Variants in CASP1 observed in about 807,000 individuals in gnomAD.
CASP1 encodes caspase 1, also known as caspase-1.
Under a neutral mutation model 41.2 loss-of-function variants are expected in CASP1, and 31 were observed. The observed-to-expected ratio is 0.75, with a 90% CI of 0.57 to 1.02. The LOEUF is 1.02. CASP1 is among the 50% of genes least tolerant of loss of function. The pLI, the probability that CASP1 is intolerant of heterozygous loss-of-function variation, is 0.00. For synonymous variants in CASP1, 163 were observed against 166.5 expected (o/e 0.98, Z 0.16); for missense variants, 490 against 495.7 (o/e 0.99, Z 0.11).
intron 7 of CASP1, among the ~76,000 whole-genome samples, chr11:105,027,352 C>G (rs371345111): frequency 1.9e-3 from 259 of 135,556 alleles, no homozygotes; most frequent in African/African-American, 9.1e-3. Context: ...AAAGATTAAT[C>G]GAAATTAAAT....
At chr11:105,034,512 A>G in intron 1 of CASP1, 38 bp from the exon 2 acceptor site, 1 of 1,611,542 alleles carries the variant, frequency 6.2e-7, no homozygotes, top group Non-Finnish European at 8.5e-7. Context: ...TCATGAAAAC[A>G]GCCTCATATT....
chr11:105,029,393 A>G (rs1204930174), intron 6 of CASP1, 126 bp from the exon 7 acceptor site: 2 of 757,906 alleles, frequency 2.6e-6, no homozygotes, highest in Admixed American at 2.9e-5. Context: ...AAATAGACAC[A>G]TGCATTTCAG....
intron 3 of CASP1, 66 bp from the exon 4 acceptor site, chr11:105,031,346 G>T: frequency 1.1e-6 from 1 of 887,726 alleles, no homozygotes; most frequent in South Asian, 1.4e-5. Flanking sequence ...GTTTGTTACA[G>T]CCTCACCTAT....
At chr11:105,034,095 T>C in intron 2 of CASP1, 113 bp downstream of exon 2, 1 of 1,579,754 alleles carries the variant, frequency 6.3e-7, no homozygotes, top group Non-Finnish European at 8.7e-7. Context: ...AATATGGCCC[T>C]GAAGCCAGAA....
chr11:105,026,706 A>T, intron 8 of CASP1, 136 bp downstream of exon 8: 1 of 636,686 alleles, frequency 1.6e-6, no homozygotes, highest in South Asian at 1.9e-5. Flanking sequence ...CCACTCTCCA[A>T]AGAACTCCAA....
At chr11:105,032,540 A>T (rs1021248221) in intron 3 of CASP1, among the ~76,000 whole-genome samples, 1 of 152,132 alleles carries the variant, frequency 6.6e-6, no homozygotes, top group Non-Finnish European at 1.5e-5. Flanking sequence ...GGGGTTCTTT[A>T]ATAAAATAAT....
At position 105,029,884 on chromosome 11, in the gene CASP1, G is replaced by C. The variant is rs747943375; in HGVS notation, c.643C>G (p.Leu215Val). 27 of 1,612,844 alleles carry C rather than the reference G, an allele frequency of 1.7e-5. No homozygotes were observed. Among genetic ancestry groups the C allele is most frequent in the Non-Finnish European group, 2.3e-5 (27 of 1,178,958 alleles). The change falls in exon 6 of 9, where the codon CTG (leucine) becomes GTG (valine). Residue 215 changes from leucine to valine, a missense_variant. Coordinates refer to ENST00000533400, the MANE Select transcript of CASP1 (RefSeq NM_001257118.3). ...TCTGGGCGGTGTGCAAATGCCTCCA[G>C]CTCTGTAGTCATGTCCTGAAAGACA... ...NLTASDMTTE[L>V]EAFAHRPEHK...
Position 105,030,422 on chromosome 11 carries a change from T to C in CASP1, c.535A>G (p.Arg179Gly). ...GTGATGTCAACCTCAGCTCCAGTTC[T>C]TCTAGGAATACTGTCAAATTCTTCA... ...CNEEFDSIPRRTGAEVDITGM... is the reference protein window; with the variant it reads ...CNEEFDSIPRGTGAEVDITGM... Residue 179 changes from arginine (R) to glycine (G), a missense_variant, in exon 5 of 9, where the codon AGA (arginine) becomes GGA (glycine). Arg to Gly is a moderately radical substitution (Grantham distance 125). Transcript: ENST00000533400. 3 of 1,613,672 alleles carry C rather than the reference T, an allele frequency of 1.9e-6. No homozygotes were observed. Among genetic ancestry groups the C allele is most frequent in the Non-Finnish European group, 2.5e-6 (3 of 1,179,672 alleles).
intron 7 of CASP1, among the ~76,000 whole-genome samples, chr11:105,027,421 A>G (rs546745915): frequency 2.6e-5 from 4 of 152,304 alleles, no homozygotes; most frequent in Middle Eastern, 6.8e-3. Context: ...ATAAAACAGA[A>G]CAAAAGTAGA....
rs185047753 is a variant in CASP1, at chr11:105,034,232, C to A, written c.250G>T (p.Ala84Ser). The A allele has an allele frequency of 3.2e-5, 51 of 1,614,104 alleles. No individual in the cohort carries two copies. The Admixed American group carries it at 7.0e-4, about 22-fold the overall frequency. ...TYICEEDSYL[A>S]GTLGLSADQT... ...CCTGCTGAGAGTCCCAGCGTCCCTG[C>A]CAGGTAACTGTCTTCTTCACAAATG... is the stretch of plus-strand genomic sequence containing the variant. Residue 84 changes from alanine to serine, a missense_variant, in exon 2 of 9, where the codon GCA (alanine) becomes TCA (serine). Transcript: ENST00000533400.
chr11:105,031,814 A>T (rs564425000), intron 3 of CASP1, among the ~76,000 whole-genome samples: 1 of 152,284 alleles, frequency 6.6e-6, no homozygotes, highest in Non-Finnish European at 1.5e-5. Flanking sequence ...CCTTCTATGT[A>T]TACATATGAA....
intron 7 of CASP1, among the ~76,000 whole-genome samples, chr11:105,027,909 T>C (rs750663465): frequency 3.3e-5 from 5 of 152,098 alleles, no homozygotes; most frequent in Non-Finnish European, 5.9e-5. Context: ...TATAGATAAC[T>C]GAATTGGAGT....
In CASP1 at chr11:105,030,335, C is replaced by T. The variant is rs143461834; in HGVS notation, c.622G>A (p.Ala208Thr). 4 of 1,611,174 alleles carry T rather than the reference C, an allele frequency of 2.5e-6. No individual in the cohort carries two copies. In the African/African-American group the frequency reaches 5.4e-5, roughly 22 times the overall value. Residue 208 changes from alanine to threonine, a missense_variant, in exon 5 of 9, where the codon GCT becomes ACT. Coordinates refer to ENST00000533400, the MANE Select transcript of CASP1 (RefSeq NM_001257118.3). ...TGTTGTATAATAGAACTTACCGAAG[C>T]AGTGAGATTTTTTTTCACATCTACG... ...YSVDVKKNLT[A>T]SDMTTELEAF...
rs1167070725 is a variant in CASP1, at chr11:105,026,583, G to C, written c.1117-227C>G. The C allele has an allele frequency of 5.0e-5, 30 of 600,370 alleles. 2 individuals are homozygous for C. The South Asian group carries it at 6.2e-4, about 12-fold the overall frequency. 37.2% of individuals were successfully genotyped at this position (600,370 alleles called of 1,614,324 possible). Reference sequence around the variant, plus strand: ...GGATCTAATAGCCATGAGAGACACAGGTAAATTAGAGTCCATTCATTTGTC... The same window carrying C: ...GGATCTAATAGCCATGAGAGACACACGTAAATTAGAGTCCATTCATTTGTC... On this transcript the variant is annotated intron_variant, in intron 8 of 8. Coordinates refer to ENST00000533400, the MANE Select transcript of CASP1 (RefSeq NM_001257118.3).
intron 6 of CASP1, among the ~76,000 whole-genome samples, 157 bp downstream of exon 6, chr11:105,029,508 A>C (rs961382963): frequency 1.3e-5 from 2 of 152,182 alleles, no homozygotes; most frequent in African/African-American, 4.8e-5. Flanking sequence ...ATATCTACCA[A>C]CCAGCCATTC....
Position 105,026,162 on chromosome 11 carries a change from G to C in CASP1, c.*96C>G. On this transcript the variant is annotated 3_prime_UTR_variant, in exon 9 of 9. Transcript: ENST00000533400. ...CTCAGCCTGTAAACCTAGAGTTCTT[G>C]ACTCAAATGGACTTTCAGTACCCTT... The C allele has an allele frequency of 2.7e-6, 2 of 742,712 alleles. No individual in the cohort carries two copies. The highest frequency in any genetic ancestry group is 1.8e-5 in the South Asian group (1 of 55,964). The allele number at this position is 742,712 out of a possible 1,614,324, so 46.0% of individuals were successfully genotyped here. A position where few individuals can be genotyped will look rare whatever the true frequency, so the allele number is the denominator to read the frequency against.
chr11:105,034,021 C>G, intron 2 of CASP1, 187 bp downstream of exon 2: 1 of 991,806 alleles, frequency 1.0e-6, no homozygotes, highest in Non-Finnish European at 1.6e-6. Context: ...AAGAGTGCCA[C>G]TGAGGATTAA....
chr11:105,035,235 T>G, upstream of CASP1: 1 of 1,319,160 alleles, frequency 7.6e-7, no homozygotes. Flanking sequence ...TGTCTTTATT[T>G]TTCTTCCCAT....
chr11:105,034,159 C>G, intron 2 of CASP1, 49 bp downstream of exon 2: 1 of 1,613,162 alleles, frequency 6.2e-7, no homozygotes, highest in Non-Finnish European at 8.5e-7. Context: ...AAATGTTAGG[C>G]ACGAAGACAG....
Sources: allele counts gnomAD v4.1 joint callset (sites outside exome capture counted in the v4.1 genomes callset), GRCh38; gene constraint gnomAD v4.1.1; transcripts MANE v1.5; gene names NCBI Gene and HGNC (gene_info 2026-07-23, HGNC 2026-07-21).